The following ATG9A variants were observed in gnomAD, a reference collection of about 807,000 sequenced individuals.
ATG9A encodes the protein autophagy related 9A, also known as autophagy-related protein 9A.
In ATG9A, 21 loss-of-function variants were observed where a neutral mutation model predicts 87.1. The ratio of observed to expected loss-of-function variants is 0.24; its 90% CI spans 0.17 to 0.35. ATG9A has a LOEUF of 0.35. Among genes scored for constraint, ATG9A ranks in the 10% least tolerant of loss-of-function variants. The pLI is 1.00. For synonymous variants in ATG9A, 422 were observed against 441.3 expected (o/e 0.96, Z 0.55); for missense variants, 836 against 1,107.3 (o/e 0.76, Z 3.48).
At position 219,223,903 on chromosome 2, in the gene ATG9A, C is replaced by G. The variant is rs748814135; in HGVS notation, c.1385G>C (p.Arg462Pro). ...CTGGAAGAGCTGGGCAAACTCGTCC[C>G]GGGTCTGCGAGCGGTGGGCATTACC... Reference protein sequence around the residue: ...WQGNAHRSQTRDEFAQLFQYK... With the variant: ...WQGNAHRSQTPDEFAQLFQYK... Residue 462 changes from arginine (R) to proline (P), a missense_variant, in exon 9 of 16, where the codon CGG becomes CCG. Coordinates refer to ENST00000361242, the MANE Select transcript of ATG9A (RefSeq NM_001077198.3). This position sits in a 1 kb window ranked among gnomAD's most constrained non-coding sequence, Gnocchi z 4.7. 1 of 1,614,154 alleles carries G rather than the reference C, an allele frequency of 6.2e-7. No individual in the cohort carries two copies. Among genetic ancestry groups the G allele is most frequent in the Non-Finnish European group, 8.5e-7 (1 of 1,180,026 alleles).
Position 219,223,801 on chromosome 2 carries a change from G to A in ATG9A, c.1420-37C>T. The A allele has an allele frequency of 6.2e-7, 1 of 1,613,854 alleles. No homozygotes were observed. Among genetic ancestry groups the A allele is most frequent in the South Asian group, 1.1e-5 (1 of 91,064 alleles). On this transcript the variant is annotated intron_variant, in intron 9 of 15. Transcript: ENST00000361242. The surrounding 1 kb of genome is among the most constrained non-coding windows in gnomAD (Gnocchi z 4.7). ...GGACCAAGGTCACAAGCGAGCAGGA[G>A]GGAGCCCAGCCCTCACCACCGAGCT...
intron 4 of ATG9A, 136 bp downstream of exon 4, chr2:219,227,634 C>G: frequency 2.0e-6 from 2 of 1,003,624 alleles, no homozygotes; most frequent in East Asian, 4.8e-5. Context: ...ATTTCACCAG[C>G]CTCTTTCAGC....
At chr2:219,227,875 T>C in intron 3 of ATG9A, 47 bp downstream of exon 3, 1 of 1,612,992 alleles carries the variant, frequency 6.2e-7, no homozygotes, top group South Asian at 1.1e-5. Context: ...GCTCTCTCCA[T>C]GTTCTTCCAT....
At position 219,221,250 on chromosome 2, in the gene ATG9A, C is replaced by A; in HGVS notation, c.2198G>T (p.Arg733Leu). The change falls in exon 14 of 16, where the codon CGG becomes CTG. Residue 733 changes from arginine to leucine, a missense_variant. Coordinates refer to ENST00000361242, the MANE Select transcript of ATG9A (RefSeq NM_001077198.3). ...GCTTTCTCCACTCTCATCACTCTCC[C>A]GGCGGTGCCATACATGCCGCTCAGG... is the stretch of plus-strand genomic sequence containing the variant. ...AEPERHVWHR[R>L]ESDESGESAP... 1 of 1,577,456 alleles carries A rather than the reference C, an allele frequency of 6.3e-7. No individual in the cohort carries two copies. Among genetic ancestry groups the A allele is most frequent in the Non-Finnish European group, 8.6e-7 (1 of 1,162,796 alleles).
At position 219,222,593 on chromosome 2, in the gene ATG9A, C is replaced by T. The variant is rs1950784841; in HGVS notation, c.1848+52G>A. ...CACCCCATGCCCGGTCCCTCAACTCCCAGCTCCTGAAGTCCACTCTGCCCA... is the reference window on the plus strand; with the variant it reads ...CACCCCATGCCCGGTCCCTCAACTCTCAGCTCCTGAAGTCCACTCTGCCCA... On this transcript the variant is annotated intron_variant, in intron 11 of 15. Coordinates refer to ENST00000361242, the MANE Select transcript of ATG9A (RefSeq NM_001077198.3). The surrounding 1 kb of genome is among the most constrained non-coding windows in gnomAD (Gnocchi z 4.3). 1.2e-6 allele frequency: 2 copies of T among 1,606,928 alleles called. No individual in the cohort carries two copies. Among genetic ancestry groups the T allele is most frequent in the Non-Finnish European group, 8.5e-7 (1 of 1,174,544 alleles).
rs1950754348 is a variant in ATG9A at position 219,221,310 on chromosome 2, A to G, written c.2146-8T>C. 6.4e-7 allele frequency: 1 copy of G among 1,550,744 alleles called. No homozygotes were observed. The highest frequency in any genetic ancestry group is 8.7e-7 in the Non-Finnish European group (1 of 1,150,104). ...GGCCTGCTGCTTGTGGAGCTGGAGA[A>G]ATGGGGGGCTCGTTAGTGGGGGACA... On this transcript the variant is annotated splice_polypyrimidine_tract_variant and splice_region_variant and intron_variant, in intron 13 of 15. Transcript: ENST00000361242.
chr2:219,220,645 T>G, intron 15 of ATG9A, 102 bp downstream of exon 15: 2 of 1,517,110 alleles, frequency 1.3e-6, no homozygotes, highest in South Asian at 2.4e-5. Context: ...GTACAGTATC[T>G]CTGTGTGGGG....
At chr2:219,226,260 GCCA>G (rs1354520842) in intron 5 of ATG9A, among the ~76,000 whole-genome samples, 1 of 152,118 alleles carries the variant, frequency 6.6e-6, no homozygotes, top group African/African-American at 2.4e-5. Flanking sequence ...ACAGGCGTGT[GCCA>G]CCACACCCAG....
chr2:219,227,919 C>A lies in ATG9A; in HGVS notation c.103+3G>T. 6.2e-7 allele frequency: 1 copy of A among 1,614,106 alleles called. No individual in the cohort carries two copies. Among genetic ancestry groups the A allele is most frequent in the Non-Finnish European group, 8.5e-7 (1 of 1,179,976 alleles). ...CCTATGGCTGTCATATCCAAGAACT[C>A]ACACTTGCTCCCCTCGGCGACGTGC... On this transcript the variant is annotated splice_donor_region_variant and intron_variant, in intron 3 of 15. Transcript: ENST00000361242.
At chr2:219,226,846 C>G in intron 5 of ATG9A, 23 bp downstream of exon 5, 1 of 1,598,966 alleles carries the variant, frequency 6.3e-7, no homozygotes, top group Non-Finnish European at 8.6e-7. Context: ...TTCACCACAT[C>G]ATCTGTCCCT....
chr2:219,220,901 A>G lies in ATG9A; in HGVS notation c.2369-9T>C, dbSNP rs369946571. ...GGGCACTGTGCCAGGATCTGGAGAG[A>G]CAAGTAAGAGTAAGCATACTCATAG... On this transcript the variant is annotated splice_polypyrimidine_tract_variant and intron_variant, in intron 14 of 15. Transcript: ENST00000361242. 6.2e-7 allele frequency: 1 copy of G among 1,612,858 alleles called. No individual in the cohort carries two copies. The highest frequency in any genetic ancestry group is 8.5e-7 in the Non-Finnish European group (1 of 1,179,826).
In ATG9A at chr2:219,227,828, C is replaced by T; in HGVS notation, c.104-15G>A. On this transcript the variant is annotated splice_polypyrimidine_tract_variant and intron_variant, in intron 3 of 15. Transcript: ENST00000361242. The stretch of plus-strand genomic sequence containing the variant: ...GTGCCAAGGTGCTGTGGGATAGGAA[C>T]AGAGATGTCAGAGCCCTGGGAGAAC... 1 of 1,613,972 alleles carries T rather than the reference C, an allele frequency of 6.2e-7. No individual in the cohort carries two copies. The highest frequency in any genetic ancestry group is 1.1e-5 in the South Asian group (1 of 91,082).
In ATG9A at chr2:219,223,958, G is replaced by A. The variant is rs1311073006; in HGVS notation, c.1330C>T (p.His444Tyr). 4 of 1,614,064 alleles carry A rather than the reference G, an allele frequency of 2.5e-6. No individual in the cohort carries two copies. Among genetic ancestry groups the A allele is most frequent in the Admixed American group, 3.3e-5 (2 of 60,006 alleles). Residue 444 changes from histidine (H) to tyrosine (Y), a missense_variant, in exon 9 of 16, where the codon CAC becomes TAC. Coordinates refer to ENST00000361242, the MANE Select transcript of ATG9A (RefSeq NM_001077198.3). This position sits in a 1 kb window ranked among gnomAD's most constrained non-coding sequence, Gnocchi z 4.7. Reference sequence around the variant, plus strand: ...CAGTGGTCAGGCATGTAGTGGATGTGAGCGAGGATCACGCGGAGCAGCTGC... The same window carrying A: ...CAGTGGTCAGGCATGTAGTGGATGTAAGCGAGGATCACGCGGAGCAGCTGC... Reference protein sequence around the residue: ...PEQLLRVILAHIHYMPDHWQG... With the variant: ...PEQLLRVILAYIHYMPDHWQG...
Position 219,222,715 on chromosome 2 carries a change from A to G in ATG9A, c.1778T>C (p.Leu593Pro), listed in dbSNP as rs573057796. The change falls in exon 11 of 16, where the codon CTC becomes CCC. Residue 593 changes from leucine to proline, a missense_variant. Physicochemically the swap from Leu to Pro is moderately conservative, Grantham distance 98 (BLOSUM62 -3). Coordinates refer to ENST00000361242, the MANE Select transcript of ATG9A (RefSeq NM_001077198.3). The surrounding 1 kb of genome is among the most constrained non-coding windows in gnomAD (Gnocchi z 4.3). ...TTCAGGGAGCAGACCCCCTTGGGCGAGGCTAGCAGCTGCTCCATCCCGCTG... is the reference window on the plus strand; with the variant it reads ...TTCAGGGAGCAGACCCCCTTGGGCGGGGCTAGCAGCTGCTCCATCCCGCTG... ...QVQRDGAAAS[L>P]AQGGLLPENA... is the part of the protein sequence containing the mutation. 1.8e-4 allele frequency: 286 copies of G among 1,614,192 alleles called. 4 individuals carry two copies. In the South Asian group the frequency reaches 3.0e-3, roughly 17 times the overall value.
chr2:219,226,733 C>A, intron 5 of ATG9A, 136 bp downstream of exon 5: 1 of 774,506 alleles, frequency 1.3e-6, no homozygotes, highest in Non-Finnish European at 2.2e-6. Flanking sequence ...CACACCCAGT[C>A]CCTGAACTAC....
Position 219,222,332 on chromosome 2 carries a change from G to C in ATG9A, c.1967C>G (p.Ser656Cys). The C allele has an allele frequency of 3.1e-6, 5 of 1,613,370 alleles. No individual in the cohort carries two copies. The highest frequency in any genetic ancestry group is 4.2e-6 in the Non-Finnish European group (5 of 1,180,026). The change falls in exon 12 of 16, where the codon TCC becomes TGC. Residue 656 changes from serine to cysteine, a missense_variant. Ser to Cys is a moderately radical substitution (Grantham distance 112, BLOSUM62 -1). Coordinates refer to ENST00000361242, the MANE Select transcript of ATG9A (RefSeq NM_001077198.3). The surrounding 1 kb of genome is among the most constrained non-coding windows in gnomAD (Gnocchi z 4.3). ...AEVASALRSF[S>C]PLQPGQAPTG... ...GGGCGCCTGCCCGGGTTGCAGCGGG[G>C]AGAAGGAGCGCAGGGCAGAGGCGAC... is the stretch of plus-strand genomic sequence containing the variant.
In ATG9A at chr2:219,222,746, G is replaced by C. The variant is rs765897399; in HGVS notation, c.1747C>G (p.Gln583Glu). 4.3e-6 allele frequency: 7 copies of C among 1,614,110 alleles called. No individual in the cohort carries two copies. Among genetic ancestry groups the C allele is most frequent in the Non-Finnish European group, 5.9e-6 (7 of 1,180,056 alleles). The change falls in exon 11 of 16, where the codon CAG becomes GAG. Residue 583 changes from glutamine (Q) to glutamate (E), a missense_variant. Physicochemically the swap from Gln to Glu is conservative, Grantham distance 29. Coordinates refer to ENST00000361242, the MANE Select transcript of ATG9A (RefSeq NM_001077198.3). The surrounding 1 kb of genome is among the most constrained non-coding windows in gnomAD (Gnocchi z 4.3). ...GCAGCTGCTCCATCCCGCTGAACCT[G>C]CTCCTTGAGGAAGCCTAGGAAGGCT... ...STAFLGFLKE[Q>E]VQRDGAAASL...
At chr2:219,227,660 A>G (rs1033910709) in intron 4 of ATG9A, 110 bp downstream of exon 4, 7 of 1,305,048 alleles carry the variant, frequency 5.4e-6, no homozygotes, top group African/African-American at 1.5e-5. Context: ...GATGAGCTCC[A>G]TTCCCGTTTC....
chr2:219,228,302 G>A, intron 2 of ATG9A, 132 bp downstream of exon 2: 1 of 430,402 alleles, frequency 2.3e-6, no homozygotes, highest in Non-Finnish European at 4.2e-6. Flanking sequence ...CTTTGTTGGG[G>A]GCTGTTTCAT....
Sources: allele counts gnomAD v4.1 joint callset (sites outside exome capture counted in the v4.1 genomes callset), GRCh38; gene constraint gnomAD v4.1.1; non-coding constraint Gnocchi (gnomAD v3.1); transcripts MANE v1.5; gene names NCBI Gene and HGNC (gene_info 2026-07-23, HGNC 2026-07-21).